Variants in CTBP1 observed in about 807,000 individuals in gnomAD.
The protein encoded by CTBP1 is C-terminal-binding protein 1.
CTBP1 carries 11 observed loss-of-function variants against 42.1 expected under a neutral mutation model. That is an observed-to-expected ratio of 0.26 (90% CI 0.16 to 0.43). The LOEUF (loss-of-function observed/expected upper bound fraction) is 0.43. Among genes scored for constraint, CTBP1 ranks in the 20% least tolerant of loss-of-function variants. The pLI is 1.00. For missense variants in CTBP1, 399 were observed against 624.3 expected, an observed-to-expected ratio of 0.64 and a Z score of 3.85; for synonymous variants, 324 against 277.1, an observed-to-expected ratio of 1.17 and a Z score of -1.68.
At chr4:1,249,430 C>A, upstream of CTBP1, 1 of 152,960 alleles carries the variant, frequency 6.5e-6, no homozygotes, top group South Asian at 1.8e-4. Context: ...GCCCGGAAGC[C>A]GAGACAGGGC....
In CTBP1 at chr4:1,248,974, G is replaced by T; in HGVS notation, c.-247C>A. 1.0e-6 allele frequency: 1 copy of T among 996,918 alleles called. No individual in the cohort carries two copies. The highest frequency in any genetic ancestry group is 3.5e-5 in the South Asian group (1 of 28,234). 61.8% of individuals were successfully genotyped at this position (996,918 alleles called of 1,614,324 possible). A position where few individuals can be genotyped will look rare whatever the true frequency, so the allele number is the denominator to read the frequency against. ...TGCCCATCGAGAGGCGCGAGCGGCC[G>T]CGGGCCCCGACCACTCCGGCGCGCT... On this transcript the variant is annotated 5_prime_UTR_variant, in exon 1 of 10. Transcript: ENST00000382952.
chr4:1,237,258 T>C (rs1731625157), intron 3 of CTBP1: 1 of 664,998 alleles, frequency 1.5e-6, no homozygotes, highest in Non-Finnish European at 2.7e-6. Flanking sequence ...ACAAACCGAG[T>C]GTCCACCTCC....
chr4:1,226,044 G>T (rs1042327808), intron 4 of CTBP1, among the ~76,000 whole-genome samples: 3 of 152,096 alleles, frequency 2.0e-5, no homozygotes, highest in Middle Eastern at 3.2e-3. Context: ...GCCCAGCCGG[G>T]CCCCGAAGCC....
At chr4:1,214,052 T>C (rs1728834414) in intron 7 of CTBP1, 3 of 456,584 alleles carry the variant, frequency 6.6e-6, no homozygotes, top group Non-Finnish European at 7.7e-6. Context: ...CCAGGGCCCA[T>C]GGGGACCACT....
At chr4:1,228,417 C>T (rs1355368302) in intron 3 of CTBP1, 74 bp from the exon 4 acceptor site, 10 of 1,541,834 alleles carry the variant, frequency 6.5e-6, no homozygotes, top group African/African-American at 2.7e-5. Flanking sequence ...GGTGGGGCTG[C>T]CCCGGCTGGG....
Position 1,212,293 on chromosome 4 carries a change from CAGG to C in CTBP1, c.1234_1236del (p.Pro412del), listed in dbSNP as rs1172791142. 2 of 1,519,766 alleles carry C rather than the reference CAGG, an allele frequency of 1.3e-6. No individual in the cohort carries two copies. Among genetic ancestry groups the C allele is most frequent in the Non-Finnish European group, 1.8e-6 (2 of 1,133,430 alleles). The allele number at this position is 1,519,766 out of a possible 1,614,324, so 94.1% of individuals were successfully genotyped here. ...TCCGCCTCGGGCTTGACGGTTTGGC[CAGG>C]AGAAGGGGCGTGGGGCGGGTGGGCC... is the stretch of plus-strand genomic sequence containing the variant. On this transcript the variant is annotated inframe_deletion, in exon 10 of 10. Coordinates refer to ENST00000382952, the MANE Select transcript of CTBP1 (RefSeq NM_001012614.2).
At chr4:1,244,234 T>A in intron 1 of CTBP1, 12 of 985,156 alleles carry the variant, frequency 1.2e-5, no homozygotes, top group Non-Finnish European at 1.3e-5. Flanking sequence ...CCGATCCACG[T>A]GTGTGCTGGG....
intron 5 of CTBP1, among the ~76,000 whole-genome samples, chr4:1,222,712 A>G (rs1379571303): frequency 6.6e-6 from 1 of 152,062 alleles, no homozygotes; most frequent in Non-Finnish European, 1.5e-5. Flanking sequence ...CCCACTCAGC[A>G]CGGGGCCCTG....
At chr4:1,236,861 T>A in intron 3 of CTBP1, 1 of 643,840 alleles carries the variant, frequency 1.6e-6, no homozygotes, top group Non-Finnish European at 2.8e-6. Flanking sequence ...GTCCACCTCC[T>A]GATGGGGCTC....
chr4:1,244,429 C>T (rs1186666555), intron 1 of CTBP1: 1 of 984,854 alleles, frequency 1.0e-6, no homozygotes, highest in Non-Finnish European at 1.2e-6. Flanking sequence ...CTGTTCCTTC[C>T]CCAGCCTCAG....
intron 1 of CTBP1, chr4:1,243,106 C>T: frequency 1.0e-6 from 1 of 985,440 alleles, no homozygotes; most frequent in South Asian, 4.7e-5. Context: ...CACGGTGGCC[C>T]AGTACCGGCT....
intron 3 of CTBP1, chr4:1,237,847 A>T: frequency 1.4e-6 from 1 of 697,374 alleles, no homozygotes; most frequent in Non-Finnish European, 2.6e-6. Flanking sequence ...CTCAGGGAAA[A>T]CCCCGTGTCC....
chr4:1,235,379 T>C lies in CTBP1; in HGVS notation c.162+2804A>G, dbSNP rs1731387639. ...CACGCGCATTTTTAACATCAGATTT[T>C]CTTCCGTCCATTTTGGAAAGGGTTT... On this transcript the variant is annotated intron_variant, in intron 3 of 9. Transcript: ENST00000382952. This position sits in a 1 kb window ranked among gnomAD's most constrained non-coding sequence, Gnocchi z 4.2. 1 of 152,212 alleles carries C rather than the reference T, an allele frequency of 6.6e-6. No individual in the cohort carries two copies. The highest frequency in any genetic ancestry group is 2.4e-5 in the African/African-American group (1 of 41,452). 9.4% of individuals were successfully genotyped at this position (152,212 alleles called of 1,614,324 possible).
At chr4:1,242,902 CTCA>C (rs1292117338) in intron 1 of CTBP1, 10 of 985,386 alleles carry the variant, frequency 1.0e-5, no homozygotes, top group East Asian at 1.1e-4. Context: ...CCCAGCCAAA[CTCA>C]TCAATGCCAG....
intron 2 of CTBP1, 122 bp downstream of exon 2, chr4:1,241,203 T>C (rs1219727414): frequency 2.6e-6 from 2 of 767,474 alleles, no homozygotes; most frequent in Non-Finnish European, 4.8e-6. Flanking sequence ...GTGGCAGCAG[T>C]CCGGCCCGAC....
intron 7 of CTBP1, chr4:1,214,107 T>C (rs1320750313): frequency 1.9e-6 from 1 of 537,966 alleles, no homozygotes; most frequent in East Asian, 3.5e-5. Context: ...TCAGGAGCCC[T>C]GCCCAAAGAA....
chr4:1,250,157 T>C (rs1396802465), upstream of CTBP1: 1 of 171,162 alleles, frequency 5.8e-6, no homozygotes, highest in Non-Finnish European at 1.3e-5. Context: ...ATCCGCGAGA[T>C]ACCTGCTGTA....
intron 5 of CTBP1, among the ~76,000 whole-genome samples, chr4:1,220,059 A>C (rs560764745): frequency 6.6e-6 from 1 of 152,232 alleles, no homozygotes; most frequent in East Asian, 1.9e-4. Flanking sequence ...AAAATTAGCC[A>C]GGCATGGTGG....
intron 1 of CTBP1, among the ~76,000 whole-genome samples, chr4:1,246,199 G>GGGTCCAGACACTCCCGGC (rs1698705723): frequency 6.6e-6 from 1 of 152,128 alleles, no homozygotes; most frequent in Non-Finnish European, 1.5e-5. Flanking sequence ...GAGGACCCGG[G>GGGTCCAGACACTCCCGGC]GGTCCAGACA....
Sources: gnomAD v4.1 joint callset for allele counts (sites outside exome capture counted in the v4.1 genomes callset) on GRCh38, gnomAD v4.1.1 for gene constraint, Gnocchi (gnomAD v3.1) non-coding constraint, MANE v1.5 for transcripts, NCBI Gene and HGNC (gene_info 2026-07-23, HGNC 2026-07-21) for gene names.